The following ATP1A4 variants were observed in gnomAD, a reference collection of about 807,000 sequenced individuals.
The protein encoded by ATP1A4 is ATPase Na+/K+ transporting subunit alpha 4, also known as sodium/potassium-transporting ATPase subunit alpha-4.
In ATP1A4, 90 loss-of-function variants were observed where a neutral mutation model predicts 114.3. The ratio of observed to expected loss-of-function variants is 0.79; its 90% CI spans 0.66 to 0.94. The LOEUF is 0.94. Among genes scored for constraint, ATP1A4 ranks in the 40% least tolerant of loss-of-function variants. The pLI is 0.00. For synonymous variants in ATP1A4, 511 were observed against 494.1 expected, an observed-to-expected ratio of 1.03 and a Z score of -0.45; for missense variants, 1,222 against 1,313.6, an observed-to-expected ratio of 0.93 and a Z score of 1.08.
chr1:160,181,210 A>G (rs1653686710), intron 18 of ATP1A4, among the ~76,000 whole-genome samples: 1 of 152,178 alleles, frequency 6.6e-6, no homozygotes, highest in African/African-American at 2.4e-5. Flanking sequence ...ATGATACAAC[A>G]TGAAAAGCGC....
chr1:160,159,458 C>G lies in ATP1A4; in HGVS notation c.710C>G (p.Pro237Arg). Residue 237 changes from proline to arginine, a missense_variant, in exon 6 of 22, where the codon CCT becomes CGT. By Grantham distance (103) the Pro-to-Arg change is moderately radical. Coordinates refer to ENST00000368081, the MANE Select transcript of ATP1A4 (RefSeq NM_144699.4). ...TGESEPQSRS[P>R]DFTHENPLET... Reference sequence around the variant, plus strand: ...GAGTCAGAACCCCAGAGCCGCTCCCCTGACTTCACCCATGAGAACCCTCTG... The same window carrying G: ...GAGTCAGAACCCCAGAGCCGCTCCCGTGACTTCACCCATGAGAACCCTCTG... 1 of 1,614,082 alleles carries G rather than the reference C, an allele frequency of 6.2e-7. No homozygotes were observed. Among genetic ancestry groups the G allele is most frequent in the Non-Finnish European group, 8.5e-7 (1 of 1,179,954 alleles).
chr1:160,157,763 G>GAAAAC (rs1558017444), intron 4 of ATP1A4, among the ~76,000 whole-genome samples: 3 of 152,174 alleles, frequency 2.0e-5, no homozygotes, highest in Non-Finnish European at 4.4e-5. Flanking sequence ...TAACTGGGGT[G>GAAAAC]AAATGTTAAT....
chr1:160,171,692 A>G lies in ATP1A4; in HGVS notation c.1789A>G (p.Met597Val), dbSNP rs760156238. 1 of 1,614,034 alleles carries G rather than the reference A, an allele frequency of 6.2e-7. No homozygotes were observed. Among genetic ancestry groups the G allele is most frequent in the Admixed American group, 1.7e-5 (1 of 59,996 alleles). ...CCTTTGTTTTGTGGGCCTCATATCC[A>G]TGATTGACCCTCCCCGAGCTGCAGT... ...DNLCFVGLISMIDPPRAAVPD... is the reference protein window; with the variant it reads ...DNLCFVGLISVIDPPRAAVPD... Residue 597 changes from methionine to valine, a missense_variant, in exon 12 of 22, where the codon ATG (methionine) becomes GTG (valine). Transcript: ENST00000368081.
At position 160,167,296 on chromosome 1, in the gene ATP1A4, G is replaced by C; in HGVS notation, c.1375G>C (p.Ala459Pro). 1.2e-6 allele frequency: 2 copies of C among 1,607,470 alleles called. No homozygotes were observed. The highest frequency in any genetic ancestry group is 1.3e-5 in the African/African-American group (1 of 74,522). Residue 459 changes from alanine to proline, a missense_variant, in exon 10 of 22, where the codon GCT (alanine) becomes CCT (proline). Coordinates refer to ENST00000368081, the MANE Select transcript of ATP1A4 (RefSeq NM_144699.4). ...CTGGCAGAGGGCCACAACAGGTGAT[G>C]CTTCCGAGTCAGCCCTCCTCAAGTT... ...PIAKRATTGD[A>P]SESALLKFIE...
chr1:160,174,783 C>A (rs1653403057), intron 15 of ATP1A4, 36 bp downstream of exon 15: 1 of 1,612,268 alleles, frequency 6.2e-7, no homozygotes, highest in African/African-American at 1.3e-5. Context: ...GAGACTTCAA[C>A]CCTGGACTCA....
intron 9 of ATP1A4, 81 bp from the exon 10 acceptor site, chr1:160,167,197 C>T: frequency 1.3e-6 from 2 of 1,565,662 alleles, no homozygotes; most frequent in East Asian, 2.3e-5. Context: ...CCCATTTGTC[C>T]CCTCTCCATG....
At chr1:160,186,502 C>T in intron 21 of ATP1A4, 135 bp downstream of exon 21, 1 of 1,050,046 alleles carries the variant, frequency 9.5e-7, no homozygotes, top group Admixed American at 1.9e-5. Flanking sequence ...GCGCCTGGAG[C>T]CGAGACCTCT....
In ATP1A4 at chr1:160,178,057, A is replaced by T. The variant is rs73025571; in HGVS notation, c.2736+393A>T. Among the ~76,000 whole-genome samples, 143 of 152,244 alleles carry T rather than the reference A, an allele frequency of 9.4e-4. 1 individual carries two copies. The highest frequency in any genetic ancestry group is 3.2e-3 in the African/African-American group (135 of 41,556). Reference sequence around the variant, plus strand: ...CTCTCCCTCCATGAGAGTTCAAATGATATGATTTAAAATTTGAGGCAGGGT... The same window carrying T: ...CTCTCCCTCCATGAGAGTTCAAATGTTATGATTTAAAATTTGAGGCAGGGT... On this transcript the variant is annotated intron_variant, in intron 18 of 21. Transcript: ENST00000368081.
chr1:160,158,089 G>A (rs2101626861), intron 4 of ATP1A4, among the ~76,000 whole-genome samples: 1 of 151,902 alleles, frequency 6.6e-6, no homozygotes, highest in Non-Finnish European at 1.5e-5. Flanking sequence ...AGGAGTTTAG[G>A]CATGGTCGGT....
At chr1:160,166,925 A>C (rs753006552) in intron 8 of ATP1A4, 43 bp from the exon 9 acceptor site, 2 of 1,598,282 alleles carry the variant, frequency 1.3e-6, no homozygotes, top group Non-Finnish European at 8.6e-7. Flanking sequence ...CTTGCTTAAA[A>C]TTCTCATTCC....
intron 18 of ATP1A4, among the ~76,000 whole-genome samples, chr1:160,180,358 T>C (rs577574218): frequency 2.6e-5 from 4 of 152,196 alleles, no homozygotes; most frequent in Admixed American, 1.3e-4. Flanking sequence ...ATTTATTGGA[T>C]CTACGAGTTG....
At chr1:160,169,062 G>A (rs1322420116) in intron 10 of ATP1A4, among the ~76,000 whole-genome samples, 15 of 152,232 alleles carry the variant, frequency 9.9e-5, no homozygotes, top group Admixed American at 9.8e-4. Flanking sequence ...TACCAAACAT[G>A]CGGCTCAAAT....
Position 160,158,939 on chromosome 1 carries a change from G to A in ATP1A4, c.526-63G>A, listed in dbSNP as rs549121896. The A allele has an allele frequency of 4.4e-5, 69 of 1,563,970 alleles. No individual in the cohort carries two copies. The East Asian group carries it at 5.0e-4, about 11-fold the overall frequency. On this transcript the variant is annotated intron_variant, in intron 4 of 21. Transcript: ENST00000368081. ...GGGAGACCAATAACAGAAGGTTTTAGGCTAAGAGTGGGATGAGGAAAGCCA... is the reference window on the plus strand; with the variant it reads ...GGGAGACCAATAACAGAAGGTTTTAAGCTAAGAGTGGGATGAGGAAAGCCA...
In ATP1A4 at chr1:160,166,589, A is replaced by T. The variant is rs1351677317; in HGVS notation, c.1109A>T (p.Glu370Val). The part of the protein sequence containing the change: ...ARKNCLVKNL[E>V]AVETLGSTST... ...AAGAACTGCCTGGTGAAGAACCTGG[A>T]GGCGGTGGAGACGCTGGGCTCCACG... The change falls in exon 8 of 22, where the codon GAG becomes GTG. Residue 370 changes from glutamate to valine, a missense_variant. Glu to Val is a moderately radical substitution (Grantham distance 121, BLOSUM62 -2). Coordinates refer to ENST00000368081, the MANE Select transcript of ATP1A4 (RefSeq NM_144699.4). 1 of 1,614,228 alleles carries T rather than the reference A, an allele frequency of 6.2e-7. No individual in the cohort carries two copies.
rs16831469 is a variant in ATP1A4, at chr1:160,164,107, T to C, written c.779-49T>C. 8.7e-3 allele frequency: 13,892 copies of C among 1,596,744 alleles called. 979 individuals are homozygous for C. In the African/African-American group the frequency reaches 0.16, roughly 18 times the overall value. On this transcript the variant is annotated intron_variant, in intron 6 of 21. Transcript: ENST00000368081. ...TGGGGGCAGAGACCAATATCTATAC[T>C]TCTTATCATATCACAACATCACATT...
chr1:160,155,036 T>A lies in ATP1A4; in HGVS notation c.208-9T>A. 1 of 1,612,702 alleles carries A rather than the reference T, an allele frequency of 6.2e-7. No homozygotes were observed. Among genetic ancestry groups the A allele is most frequent in the East Asian group, 2.2e-5 (1 of 44,872 alleles). ...GCTCTCTATCCAACCCTATTTCTTC[T>A]CTGCACAGGGCCATAGCCACCAAAG... is the stretch of plus-strand genomic sequence containing the variant. On this transcript the variant is annotated splice_polypyrimidine_tract_variant and intron_variant, in intron 2 of 21. Transcript: ENST00000368081.
At position 160,174,641 on chromosome 1, in the gene ATP1A4, C is replaced by T. The variant is rs769638533; in HGVS notation, c.2205C>T (p.Asp735=). ...ACTCCCCTGCGCTGAAGAAGGCTGACATTGGCATTGCCATGGGCATCTCTG... is the reference window on the plus strand; with the variant it reads ...ACTCCCCTGCGCTGAAGAAGGCTGATATTGGCATTGCCATGGGCATCTCTG... ...VNDSPALKKA[D]IGIAMGISGS... is the part of the protein sequence containing the mutation. The change falls in exon 15 of 22, where the codon GAC becomes GAT. Residue 735 remains aspartate, a synonymous_variant. Transcript: ENST00000368081. The T allele has an allele frequency of 2.5e-6, 4 of 1,614,126 alleles. No individual in the cohort carries two copies. In the African/African-American group the frequency reaches 5.3e-5, roughly 22 times the overall value.
rs769859235 is a variant in ATP1A4 at position 160,167,049 on chromosome 1, C to T, written c.1328C>T (p.Ala443Val). The T allele has an allele frequency of 3.2e-5, 52 of 1,614,020 alleles. No homozygotes were observed. Among genetic ancestry groups the T allele is most frequent in the Non-Finnish European group, 4.4e-5 (52 of 1,180,002 alleles). ...CTCTGCAACCGGGCTGACTTTAAGG[C>T]TAATCAGGAGATCCTGCCCATTGCT... is the stretch of plus-strand genomic sequence containing the variant. Reference protein sequence around the residue: ...AGLCNRADFKANQEILPIAKR... With the variant: ...AGLCNRADFKVNQEILPIAKR... Residue 443 changes from alanine (A) to valine (V), a missense_variant, in exon 9 of 22, where the codon GCT becomes GTT. Transcript: ENST00000368081.
chr1:160,152,561 A>T (rs1054200043), intron 1 of ATP1A4, among the ~76,000 whole-genome samples: 9 of 152,160 alleles, frequency 5.9e-5, no homozygotes, highest in Non-Finnish European at 1.3e-4. Flanking sequence ...CCTTGTTTCC[A>T]CAGAATATAA....
Sources: allele counts gnomAD v4.1 joint callset (sites outside exome capture counted in the v4.1 genomes callset), GRCh38; gene constraint gnomAD v4.1.1; transcripts MANE v1.5; gene names NCBI Gene and HGNC (gene_info 2026-07-23, HGNC 2026-07-21).